The following MTOR variants were observed in gnomAD, a reference collection of about 807,000 sequenced individuals.
The protein encoded by MTOR is mechanistic target of rapamycin kinase.
MTOR carries 70 observed loss-of-function variants against 319.8 expected under a neutral mutation model. The ratio of observed to expected loss-of-function variants is 0.22; its 90% CI spans 0.18 to 0.27. The LOEUF is 0.27. MTOR is among the 10% of genes least tolerant of loss of function. The pLI, the probability that MTOR is intolerant of heterozygous loss-of-function variation, is 1.00. For synonymous variants in MTOR, 1,183 were observed against 1,211.4 expected, an observed-to-expected ratio of 0.98 and a Z score of 0.49; for missense variants, 1,890 against 3,274.4, an observed-to-expected ratio of 0.58 and a Z score of 10.32.
At chr1:11,246,622 T>C (rs564270605) in intron 8 of MTOR, among the ~76,000 whole-genome samples, 2 of 152,256 alleles carry the variant, frequency 1.3e-5, no homozygotes, top group African/African-American at 4.8e-5. Context: ...TGGCGTGAAG[T>C]GAGTCTGTGT....
intron 28 of MTOR, among the ~76,000 whole-genome samples, chr1:11,180,089 G>A (rs1249194302): frequency 6.6e-6 from 1 of 152,082 alleles, no homozygotes; most frequent in Non-Finnish European, 1.5e-5. Context: ...ACTTTTTACA[G>A]AGACAAGGTC....
rs2100412696 is a variant in MTOR at position 11,128,008 on chromosome 1, A to G, written c.6029T>C (p.Met2010Thr). ...EHSNTLVQQA[M>T]MVSEELIRVA... is the part of the protein sequence containing the mutation. ...CCCACAGTGGCTCCGACCCACCATC[A>G]TGGCCTGCTGGACCAGGGTGTTGCT... Residue 2010 changes from methionine (M) to threonine (T), a missense_variant, in exon 43 of 58, where the codon ATG (methionine) becomes ACG (threonine). By Grantham distance (81) the Met-to-Thr change is moderately conservative (BLOSUM62 -1). Coordinates refer to ENST00000361445, the MANE Select transcript of MTOR (RefSeq NM_004958.4). This position sits in a 1 kb window ranked among gnomAD's most constrained non-coding sequence, Gnocchi z 5.3. 6.2e-7 allele frequency: 1 copy of G among 1,613,896 alleles called. No homozygotes were observed. The highest frequency in any genetic ancestry group is 8.5e-7 in the Non-Finnish European group (1 of 1,180,018).
Position 11,139,359 on chromosome 1 carries a change from A to G in MTOR, c.5075T>C (p.Val1692Ala), listed in dbSNP as rs758917930. The change falls in exon 36 of 58, where the codon GTT (valine) becomes GCT (alanine). Residue 1692 changes from valine (V) to alanine (A), a missense_variant. Physicochemically the swap from Val to Ala is moderately conservative, Grantham distance 64. Around this residue, in one of 15 missense-constraint regions of MTOR, gnomAD observed 276 missense variants for 459.4 expected, o/e 0.60. Transcript: ENST00000361445. ...SRQLDHPLPT[V>A]HPQVTYAYMK... ...GTAGGCATAGGTCACCTGAGGGTGA[A>G]CTGTTGGCAGAGGATGGTCAAGTTG... 1 of 1,613,462 alleles carries G rather than the reference A, an allele frequency of 6.2e-7. No homozygotes were observed. Among genetic ancestry groups the G allele is most frequent in the South Asian group, 1.1e-5 (1 of 90,996 alleles).
At chr1:11,162,280 G>A (rs1404950228) in intron 29 of MTOR, among the ~76,000 whole-genome samples, 1 of 152,228 alleles carries the variant, frequency 6.6e-6, no homozygotes, top group Non-Finnish European at 1.5e-5. Context: ...ATGGGACTAT[G>A]TGAAAAGACC....
chr1:11,256,251 G>C, intron 4 of MTOR, 59 bp from the exon 5 acceptor site: 2 of 1,561,292 alleles, frequency 1.3e-6, no homozygotes, highest in South Asian at 1.2e-5. Flanking sequence ...TCTCTCAGGA[G>C]TACAGTCTCT....
At position 11,121,197 on chromosome 1, in the gene MTOR, C is replaced by T. The variant is rs749194038; in HGVS notation, c.6933+49G>A. 11 of 1,605,642 alleles carry T rather than the reference C, an allele frequency of 6.9e-6. No homozygotes were observed. Among genetic ancestry groups the T allele is most frequent in the African/African-American group, 4.0e-5 (3 of 74,850 alleles). ...AACAGATGGGAGGGCCATCCTATTG[C>T]GAGTGGGGGTTCCAGGAGAGCGCAG... On this transcript the variant is annotated intron_variant, in intron 49 of 57. Coordinates refer to ENST00000361445, the MANE Select transcript of MTOR (RefSeq NM_004958.4). This position sits in a 1 kb window ranked among gnomAD's most constrained non-coding sequence, Gnocchi z 4.9.
rs1158841990 is a variant in MTOR at position 11,199,479 on chromosome 1, T to C, written c.4107+62A>G. 6.2e-7 allele frequency: 1 copy of C among 1,613,500 alleles called. No individual in the cohort carries two copies. Among genetic ancestry groups the C allele is most frequent in the South Asian group, 1.1e-5 (1 of 91,068 alleles). ...AACAAGAGAAGGCTGTGTGGATGCT[T>C]CTCTCCTCCCACCAGCTGGTTCCCT... On this transcript the variant is annotated intron_variant, in intron 27 of 57. Transcript: ENST00000361445. The surrounding 1 kb of genome is among the most constrained non-coding windows in gnomAD (Gnocchi z 4.5).
intron 19 of MTOR, among the ~76,000 whole-genome samples, chr1:11,217,736 C>T (rs1030486622): frequency 6.6e-6 from 1 of 151,858 alleles, no homozygotes; most frequent in Non-Finnish European, 1.5e-5. Context: ...TTACAGCTCT[C>T]TCTGCCTTTG....
intron 19 of MTOR, among the ~76,000 whole-genome samples, chr1:11,216,597 T>C (rs1388863726): frequency 2.7e-5 from 4 of 150,322 alleles, no homozygotes; most frequent in African/African-American, 7.4e-5. Context: ...TAGTGAGCTA[T>C]GCACGTGCCA....
At chr1:11,170,296 T>TG (rs1364867276) in intron 28 of MTOR, among the ~76,000 whole-genome samples, 2 of 151,086 alleles carry the variant, frequency 1.3e-5, no homozygotes, top group Admixed American at 1.3e-4. Flanking sequence ...AATCAGGTAC[T>TG]GGGCTTTGTG....
At chr1:11,225,962 TAAGA>T (rs1646822731) in intron 19 of MTOR, among the ~76,000 whole-genome samples, 1 of 152,088 alleles carries the variant, frequency 6.6e-6, no homozygotes, top group African/African-American at 2.4e-5. Context: ...AGCCCATAGT[TAAGA>T]AAGAGAAAAT....
intron 1 of MTOR, among the ~76,000 whole-genome samples, chr1:11,261,982 A>ATG (rs1482209941): frequency 1.3e-5 from 2 of 152,092 alleles, no homozygotes; most frequent in African/African-American, 4.8e-5. Context: ...GGAAACAGGG[A>ATG]TGGGGCTGGG....
chr1:11,121,215 G>A lies in MTOR; in HGVS notation c.6933+31C>T, dbSNP rs1642506507. The A allele has an allele frequency of 1.2e-6, 2 of 1,610,442 alleles. No individual in the cohort carries two copies. The highest frequency in any genetic ancestry group is 1.3e-5 in the African/African-American group (1 of 74,942). ...CCTATTGCGAGTGGGGGTTCCAGGA[G>A]AGCGCAGGTCTGCAGGGCCCAGTGG... On this transcript the variant is annotated intron_variant, in intron 49 of 57. Transcript: ENST00000361445. The surrounding 1 kb of genome is among the most constrained non-coding windows in gnomAD (Gnocchi z 4.9).
chr1:11,169,206 A>T (rs1034007031), intron 28 of MTOR, among the ~76,000 whole-genome samples: 32 of 152,374 alleles, frequency 2.1e-4, no homozygotes, highest in African/African-American at 7.2e-4. Flanking sequence ...AATCTAAAGA[A>T]GCTAACATTT....
intron 3 of MTOR, among the ~76,000 whole-genome samples, chr1:11,257,380 CAAAA>C (rs1006118528): frequency 2.7e-5 from 1 of 36,786 alleles, no homozygotes; most frequent in Admixed American, 2.8e-4. Context: ...TACTAAGATA[CAAAA>C]AAAAAAAAAA....
intron 19 of MTOR, among the ~76,000 whole-genome samples, chr1:11,222,149 A>T (rs1361613580): frequency 2.0e-5 from 3 of 151,908 alleles, no homozygotes; most frequent in Non-Finnish European, 4.4e-5. Flanking sequence ...ACTTCAAATT[A>T]CCTCAGTAGT....
At chr1:11,184,852 C>G (rs1645263871) in intron 28 of MTOR, among the ~76,000 whole-genome samples, 1 of 152,258 alleles carries the variant, frequency 6.6e-6, no homozygotes, top group Non-Finnish European at 1.5e-5. Flanking sequence ...CCCATGTCTA[C>G]AGAGGATCAG....
rs1251437993 is a variant in MTOR, at chr1:11,257,026, C to A, written c.411G>T (p.Gly137=). The part of the protein sequence containing the change: ...SKAIGRLAMA[G]DTFTAEYVEF... ...CCACGTACTCAGCGGTAAAAGTGTC[C>A]CCTGCCATGGCAAGACGGCCAATGG... The change falls in exon 4 of 58, where the codon GGG becomes GGT. Residue 137 remains glycine (G), a synonymous_variant. Transcript: ENST00000361445. The A allele has an allele frequency of 6.2e-7, 1 of 1,614,128 alleles. No individual in the cohort carries two copies. Among genetic ancestry groups the A allele is most frequent in the South Asian group, 1.1e-5 (1 of 91,066 alleles).
intron 28 of MTOR, among the ~76,000 whole-genome samples, chr1:11,168,148 C>A (rs1273573714): frequency 6.6e-6 from 1 of 151,542 alleles, no homozygotes; most frequent in Non-Finnish European, 1.5e-5. Context: ...TTCTGAAACA[C>A]CAGAAACCTT....
Sources: allele counts gnomAD v4.1 joint callset (sites outside exome capture counted in the v4.1 genomes callset), GRCh38; gene constraint gnomAD v4.1.1; regional missense constraint gnomAD v4.1.1; non-coding constraint Gnocchi (gnomAD v3.1); transcripts MANE v1.5; gene names NCBI Gene and HGNC (gene_info 2026-07-23, HGNC 2026-07-21).